TMEM132D: variants seen among roughly 807,000 people sequenced by gnomAD.
TMEM132D encodes the protein transmembrane protein 132D.
Under a neutral mutation model 62.3 loss-of-function variants are expected in TMEM132D, and 21 were observed. The ratio of observed to expected loss-of-function variants is 0.34; its 90% CI spans 0.24 to 0.49. The LOEUF (loss-of-function observed/expected upper bound fraction) is 0.49, where lower values mean the gene tolerates loss of function less well. TMEM132D is among the 20% of genes least tolerant of loss of function. TMEM132D has a pLI of 0.99. For missense variants in TMEM132D, 1,346 were observed against 1,402.8 expected (o/e 0.96, Z 0.65); for synonymous variants, 621 against 575.6 (o/e 1.08, Z -1.13).
chr12:129,091,273 C>T (rs1034496025), intron 5 of TMEM132D, among the ~76,000 whole-genome samples: 1 of 150,126 alleles, frequency 6.7e-6, no homozygotes. Flanking sequence ...CTCTGGGGAC[C>T]CTTCCTAAAC....
chr12:129,669,556 T>G (rs1477715530), intron 2 of TMEM132D, among the ~76,000 whole-genome samples: 2 of 151,932 alleles, frequency 1.3e-5, no homozygotes, highest in South Asian at 2.1e-4. Context: ...AATACAAAAT[T>G]TAGCCTGGCA....
intron 3 of TMEM132D, among the ~76,000 whole-genome samples, chr12:129,376,929 A>G (rs1163923197): frequency 6.6e-6 from 1 of 152,224 alleles, no homozygotes; most frequent in East Asian, 1.9e-4. Context: ...GTATACAAAT[A>G]TAACCCATTA....
intron 3 of TMEM132D, among the ~76,000 whole-genome samples, chr12:129,364,732 A>T (rs1352927460): frequency 6.6e-6 from 1 of 152,302 alleles, no homozygotes; most frequent in African/African-American, 2.4e-5. Flanking sequence ...TCCAGGCATC[A>T]TTATTGCAGG....
chr12:129,885,471 A>T (rs73440485), intron 1 of TMEM132D, among the ~76,000 whole-genome samples: 5,999 of 152,250 alleles, frequency 0.039, 399 homozygotes, highest in African/African-American at 0.14. Context: ...AATGCTTGGA[A>T]CTGATCCTGG....
rs142992737 is a variant in TMEM132D at position 129,241,844 on chromosome 12, G to A, written c.1300-32181C>T. On this transcript the variant is annotated intron_variant, in intron 4 of 8. Transcript: ENST00000422113. ...TTCCTAATAGAATGCTTGGAGAGGA[G>A]ATTATCAAAAATACTTGCTGAATGG... is the stretch of plus-strand genomic sequence containing the variant. 4.6e-3 allele frequency among the ~76,000 whole-genome samples: 696 copies of A among 152,290 alleles called. 8 individuals carry two copies. The highest frequency in any genetic ancestry group is 0.02 in the Middle Eastern group (6 of 294).
intron 1 of TMEM132D, among the ~76,000 whole-genome samples, chr12:129,715,955 C>T (rs546648675): frequency 6.6e-6 from 1 of 152,212 alleles, no homozygotes; most frequent in East Asian, 1.9e-4. Context: ...CGCATTGCCA[C>T]GCAGAGAGGG....
intron 3 of TMEM132D, chr12:129,522,671 G>A (rs1327038051): frequency 1.3e-5 from 2 of 152,186 alleles, no homozygotes; most frequent in Non-Finnish European, 2.9e-5. Context: ...GACTATTTCG[G>A]AGAGATGCAG....
intron 1 of TMEM132D, among the ~76,000 whole-genome samples, chr12:129,733,438 G>A (rs919009728): frequency 2.4e-4 from 37 of 152,076 alleles, no homozygotes; most frequent in African/African-American, 7.5e-4. Context: ...CCAGTCACGC[G>A]GGTGAATGAG....
At chr12:129,081,673 G>GACAA (rs1212830149) in intron 7 of TMEM132D, 86 bp downstream of exon 7, 10 of 1,487,124 alleles carry the variant, frequency 6.7e-6, no homozygotes, top group Middle Eastern at 3.8e-4. Flanking sequence ...TCCCAGCAAT[G>GACAA]ACAAACAGCT....
chr12:129,536,932 A>G (rs1024303916), intron 2 of TMEM132D, among the ~76,000 whole-genome samples: 1 of 152,090 alleles, frequency 6.6e-6, no homozygotes, highest in Non-Finnish European at 1.5e-5. Context: ...CGAGGTGGGA[A>G]GATCACCTGA....
At chr12:129,418,577 G>A (rs1315475600) in intron 3 of TMEM132D, among the ~76,000 whole-genome samples, 1 of 152,146 alleles carries the variant, frequency 6.6e-6, no homozygotes, top group African/African-American at 2.4e-5. Flanking sequence ...GGGGACAAGG[G>A]GAGGGAGAGC....
At chr12:129,235,255 C>T (rs906086659) in intron 4 of TMEM132D, among the ~76,000 whole-genome samples, 2 of 152,096 alleles carry the variant, frequency 1.3e-5, no homozygotes, top group Admixed American at 1.3e-4. Flanking sequence ...TCTAAGAGAT[C>T]ACTTTCAATA....
chr12:129,805,378 A>T (rs1457515711), intron 1 of TMEM132D, among the ~76,000 whole-genome samples: 3 of 152,114 alleles, frequency 2.0e-5, no homozygotes, highest in Admixed American at 1.3e-4. Flanking sequence ...AGCCCTCAGA[A>T]ATAACGCCGC....
intron 5 of TMEM132D, among the ~76,000 whole-genome samples, chr12:129,157,778 C>G (rs989994807): frequency 6.6e-6 from 1 of 152,120 alleles, no homozygotes; most frequent in Non-Finnish European, 1.5e-5. Context: ...CTTTGATAAT[C>G]GTAATTAATC....
At chr12:129,699,640 C>T (rs1881325405) in intron 2 of TMEM132D, among the ~76,000 whole-genome samples, 170 bp downstream of exon 2, 1 of 152,198 alleles carries the variant, frequency 6.6e-6, no homozygotes, top group Admixed American at 6.5e-5. Flanking sequence ...ATTGCCAACC[C>T]GGAACGATCA....
intron 1 of TMEM132D, among the ~76,000 whole-genome samples, chr12:129,893,134 C>G (rs937616670): frequency 6.6e-6 from 1 of 152,126 alleles, no homozygotes; most frequent in Non-Finnish European, 1.5e-5. Context: ...CTCGGCCTCC[C>G]AAAGTGCTGG....
intron 4 of TMEM132D, among the ~76,000 whole-genome samples, chr12:129,258,877 A>T (rs1880478906): frequency 6.6e-6 from 1 of 152,158 alleles, no homozygotes. Flanking sequence ...AAGGTGGGCG[A>T]TGTGTGCCTT....
chr12:129,543,308 GGATAGA>G (rs1876638186), intron 2 of TMEM132D, among the ~76,000 whole-genome samples: 2 of 135,996 alleles, frequency 1.5e-5, no homozygotes, highest in African/African-American at 3.4e-5. Flanking sequence ...GTGGGTGGAT[GGATAGA>G]TGGATGGATG....
intron 4 of TMEM132D, among the ~76,000 whole-genome samples, chr12:129,240,361 C>A (rs1879904365): frequency 6.6e-6 from 1 of 152,092 alleles, no homozygotes; most frequent in East Asian, 1.9e-4. Flanking sequence ...TTGAATATCC[C>A]CCCACAGTGG....
Sources: allele counts gnomAD v4.1 joint callset (sites outside exome capture counted in the v4.1 genomes callset), GRCh38; gene constraint gnomAD v4.1.1; transcripts MANE v1.5; gene names NCBI Gene and HGNC (gene_info 2026-07-23, HGNC 2026-07-21).